FTO: variants seen among roughly 807,000 people sequenced by gnomAD.
The protein encoded by FTO is alpha-ketoglutarate-dependent dioxygenase FTO.
A neutral mutation model predicts 63.9 loss-of-function variants in FTO; 47 were observed. The ratio of observed to expected loss-of-function variants is 0.74; its 90% confidence interval spans 0.58 to 0.94. The LOEUF is 0.94. FTO is among the 40% of genes least tolerant of loss of function. FTO has a pLI of 0.00. For missense variants in FTO, 562 were observed against 618.1 expected (o/e 0.91, Z 0.96); for synonymous variants, 207 against 224.4 (o/e 0.92, Z 0.69).
At chr16:54,011,225 CA>C (rs1270381912) in intron 8 of FTO, among the ~76,000 whole-genome samples, 1 of 152,056 alleles carries the variant, frequency 6.6e-6, no homozygotes, top group East Asian at 1.9e-4. Flanking sequence ...TCATAATATC[CA>C]TAACTAGAGA....
chr16:53,791,016 A>G (rs1438688808), intron 1 of FTO, among the ~76,000 whole-genome samples: 3 of 152,222 alleles, frequency 2.0e-5, no homozygotes, highest in African/African-American at 4.8e-5. Context: ...CATAGAAACG[A>G]AGGGAAATGA....
intron 8 of FTO, among the ~76,000 whole-genome samples, chr16:53,951,472 T>A (rs907749531): frequency 1.2e-4 from 18 of 152,204 alleles, no homozygotes; most frequent in African/African-American, 4.3e-4. Flanking sequence ...AGGGAGACTC[T>A]AGTGAAATGT....
At chr16:53,745,612 G>C (rs559222205) in intron 1 of FTO, among the ~76,000 whole-genome samples, 1 of 152,310 alleles carries the variant, frequency 6.6e-6, no homozygotes, top group East Asian at 1.9e-4. Context: ...AAATAAACTA[G>C]AAAGTGTAGG....
intron 8 of FTO, among the ~76,000 whole-genome samples, chr16:53,960,895 G>A (rs530362168): frequency 6.6e-6 from 1 of 152,262 alleles, no homozygotes; most frequent in Admixed American, 6.5e-5. Context: ...GGGTGGCATG[G>A]TTTCTAAAGG....
intron 1 of FTO, among the ~76,000 whole-genome samples, chr16:53,806,922 A>G (rs1567312306): frequency 6.6e-6 from 1 of 152,228 alleles, no homozygotes; most frequent in Admixed American, 6.5e-5. Flanking sequence ...TCCTGACAGC[A>G]GAGAATGAAA....
intron 8 of FTO, among the ~76,000 whole-genome samples, chr16:54,023,591 G>A (rs552500531): frequency 9.2e-5 from 14 of 152,254 alleles, no homozygotes; most frequent in African/African-American, 1.4e-4. Flanking sequence ...AGAGCCTTCC[G>A]TTGCTAAGCC....
At chr16:53,801,132 C>T (rs2078207677) in intron 1 of FTO, among the ~76,000 whole-genome samples, 1 of 151,860 alleles carries the variant, frequency 6.6e-6, no homozygotes, top group Non-Finnish European at 1.5e-5. Context: ...TTAATTCTAC[C>T]ACTTTTGTCT....
intron 2 of FTO, among the ~76,000 whole-genome samples, chr16:53,810,794 A>G (rs2078499439): frequency 6.6e-6 from 1 of 152,212 alleles, no homozygotes. Context: ...GTACATGGCT[A>G]AATCCAACTT....
intron 6 of FTO, among the ~76,000 whole-genome samples, chr16:53,883,622 C>CAAAAAAAAAAAAAAAAAAAAA (rs36010057): frequency 3.4e-5 from 2 of 59,346 alleles, no homozygotes; most frequent in African/African-American, 1.7e-4. Flanking sequence ...AACTCTATCT[C>CAAAAAAAAAAAAAAAAAAAAA]AAAAAAAAAA....
chr16:53,900,167 G>T (rs1391099483), intron 7 of FTO, among the ~76,000 whole-genome samples: 7 of 152,116 alleles, frequency 4.6e-5, no homozygotes, highest in African/African-American at 1.7e-4. Flanking sequence ...AGTAGCACAG[G>T]GTGGCCTTCT....
intron 8 of FTO, among the ~76,000 whole-genome samples, chr16:53,978,507 A>T (rs1389330206): frequency 1.3e-5 from 2 of 152,188 alleles, no homozygotes; most frequent in Non-Finnish European, 2.9e-5. Context: ...GTAAATTACG[A>T]CTAAACTGTG....
At chr16:53,801,456 A>G (rs925184942) in intron 1 of FTO, among the ~76,000 whole-genome samples, 1 of 152,126 alleles carries the variant, frequency 6.6e-6, no homozygotes, top group South Asian at 2.1e-4. Context: ...GCTTTAGTCA[A>G]TTATCTTTTA....
intron 5 of FTO, among the ~76,000 whole-genome samples, chr16:53,876,960 C>G (rs2080673894): frequency 6.6e-6 from 1 of 152,044 alleles, no homozygotes; most frequent in Admixed American, 6.6e-5. Flanking sequence ...TACAAATGGC[C>G]AATAGACAAA....
At chr16:54,021,782 C>T (rs1389801216) in intron 8 of FTO, among the ~76,000 whole-genome samples, 1 of 152,108 alleles carries the variant, frequency 6.6e-6, no homozygotes, top group Non-Finnish European at 1.5e-5. Flanking sequence ...GCCACCGCGC[C>T]TGGCTTGGGT....
At chr16:54,064,508 T>A (rs528042857) in intron 8 of FTO, among the ~76,000 whole-genome samples, 4 of 152,194 alleles carry the variant, frequency 2.6e-5, no homozygotes, top group Non-Finnish European at 5.9e-5. Context: ...ATGGTAAATG[T>A]TCCTGTGAAC....
chr16:54,033,678 G>A (rs1430390064), intron 8 of FTO, among the ~76,000 whole-genome samples: 1 of 152,046 alleles, frequency 6.6e-6, no homozygotes, highest in Non-Finnish European at 1.5e-5. Flanking sequence ...TTAACAGGGT[G>A]TGGTGGTTCA....
At chr16:53,994,986 G>A (rs560865738) in intron 8 of FTO, among the ~76,000 whole-genome samples, 3 of 152,194 alleles carry the variant, frequency 2.0e-5, no homozygotes, top group African/African-American at 4.8e-5. Context: ...CGCCCGTCTC[G>A]GCCTCCTCTT....
chr16:53,865,159 G>A (rs1159170198), intron 4 of FTO, among the ~76,000 whole-genome samples: 3 of 152,140 alleles, frequency 2.0e-5, no homozygotes, highest in Non-Finnish European at 2.9e-5. Context: ...GATGAGACTG[G>A]CATTTATGTA....
chr16:53,872,738 A>G (rs2080535340), intron 4 of FTO, among the ~76,000 whole-genome samples: 1 of 152,192 alleles, frequency 6.6e-6, no homozygotes, highest in Non-Finnish European at 1.5e-5. Flanking sequence ...GTTTTTGCTG[A>G]TACATAAGGG....
Sources: gnomAD v4.1 joint callset for allele counts (sites outside exome capture counted in the v4.1 genomes callset) on GRCh38, gnomAD v4.1.1 for gene constraint, MANE v1.5 for transcripts, NCBI Gene and HGNC (gene_info 2026-07-23, HGNC 2026-07-21) for gene names.